KIF26B: variants seen among roughly 807,000 people sequenced by gnomAD.
KIF26B encodes kinesin family member 26B, also known as kinesin-like protein KIF26B.
A neutral mutation model predicts 151.2 loss-of-function variants in KIF26B; 63 were observed. The ratio of observed to expected loss-of-function variants is 0.42; its 90% CI spans 0.34 to 0.51. KIF26B has a LOEUF of 0.51. Ranked by LOEUF, KIF26B falls within the 20% of genes least tolerant of loss-of-function variation. The pLI is 0.07. For missense variants in KIF26B, 2,813 were observed against 2,913.6 expected (o/e 0.97, Z 0.79); for synonymous variants, 1,357 against 1,262.1 (o/e 1.08, Z -1.59).
At chr1:245,195,580 C>T (rs534624110) in intron 2 of KIF26B, among the ~76,000 whole-genome samples, 46 of 152,272 alleles carry the variant, frequency 3.0e-4, no homozygotes, top group African/African-American at 9.6e-4. Flanking sequence ...ATCTCCTCAG[C>T]GGAGGTCACT....
Position 245,367,004 on chromosome 1 carries a change from G to A in KIF26B, c.636G>A (p.Glu212=). Reference sequence around the variant, plus strand: ...CGTTGGAGCAGGCAGCCGGCAGTGAGCACTACGACGCCTCGCCCTGCTCCC... The same window carrying A: ...CGTTGGAGCAGGCAGCCGGCAGTGAACACTACGACGCCTCGCCCTGCTCCC... ...VLTLEQAAGS[E]HYDASPCSPP... The change falls in exon 3 of 15, where the codon GAG becomes GAA. Residue 212 remains glutamate, a synonymous_variant. Transcript: ENST00000407071. The surrounding 1 kb of genome is among the most constrained non-coding windows in gnomAD (Gnocchi z 4.2). The A allele has an allele frequency of 6.2e-7, 1 of 1,613,504 alleles. No individual in the cohort carries two copies. The highest frequency in any genetic ancestry group is 8.5e-7 in the Non-Finnish European group (1 of 1,179,748).
chr1:245,686,535 T>C lies in KIF26B; in HGVS notation c.3552T>C (p.Gly1184=). ...TGCAGCAGCCACTGGAGCTGAACGG[T>C]GAGGACGAGCTGGTGTTCACGCTGG... ...VTVQQPLELN[G]EDELVFTLVE... Residue 1184 remains glycine (G), a synonymous_variant, in exon 12 of 15, where the codon GGT becomes GGC. Coordinates refer to ENST00000407071, the MANE Select transcript of KIF26B (RefSeq NM_018012.4). The surrounding 1 kb of genome is among the most constrained non-coding windows in gnomAD (Gnocchi z 5.6). 1 of 1,612,834 alleles carries C rather than the reference T, an allele frequency of 6.2e-7. No individual in the cohort carries two copies. The highest frequency in any genetic ancestry group is 8.5e-7 in the Non-Finnish European group (1 of 1,179,694).
At chr1:245,382,276 C>T (rs144598129) in intron 3 of KIF26B, among the ~76,000 whole-genome samples, 66 of 152,280 alleles carry the variant, frequency 4.3e-4, no homozygotes, top group African/African-American at 1.5e-3. Context: ...GGTGGCATCT[C>T]ATTGTGGTGT....
At chr1:245,411,416 G>T (rs1190015218) in intron 3 of KIF26B, among the ~76,000 whole-genome samples, 1 of 152,240 alleles carries the variant, frequency 6.6e-6, no homozygotes, top group African/African-American at 2.4e-5. Context: ...AAACACAGAC[G>T]CTGCAGAAGA....
chr1:245,415,982 A>G (rs1674406261), intron 3 of KIF26B, among the ~76,000 whole-genome samples: 1 of 151,974 alleles, frequency 6.6e-6, no homozygotes, highest in Admixed American at 6.6e-5. Flanking sequence ...ATTAAACAAA[A>G]TAGGCCAGGC....
intron 2 of KIF26B, among the ~76,000 whole-genome samples, chr1:245,219,069 G>A (rs1207296759): frequency 6.8e-6 from 1 of 147,278 alleles, no homozygotes; most frequent in African/African-American, 2.5e-5. Context: ...TTACTTCTCT[G>A]TGTCTGTCTG....
At chr1:245,522,460 A>G (rs1351446747) in intron 4 of KIF26B, among the ~76,000 whole-genome samples, 1 of 152,174 alleles carries the variant, frequency 6.6e-6, no homozygotes, top group South Asian at 2.1e-4. Flanking sequence ...GTCCCTGTTC[A>G]TCTGGCATGG....
intron 10 of KIF26B, among the ~76,000 whole-genome samples, chr1:245,678,934 G>C (rs75131250): frequency 0.041 from 6,180 of 152,086 alleles, 344 homozygotes; most frequent in African/African-American, 0.13. Context: ...TGTGCGTATG[G>C]CTGGCTGTGT....
At chr1:245,233,351 T>C (rs1036980625) in intron 2 of KIF26B, among the ~76,000 whole-genome samples, 1 of 152,236 alleles carries the variant, frequency 6.6e-6, no homozygotes, top group East Asian at 1.9e-4. Context: ...GTTTTAGGCA[T>C]GGCAAAACTT....
At chr1:245,651,473 A>T (rs935763286) in intron 10 of KIF26B, among the ~76,000 whole-genome samples, 5 of 152,180 alleles carry the variant, frequency 3.3e-5, no homozygotes, top group African/African-American at 9.7e-5. Context: ...TTCCTCCTAG[A>T]GCCCATGGAG....
chr1:245,458,504 G>C (rs960640145), intron 4 of KIF26B, among the ~76,000 whole-genome samples: 1 of 152,170 alleles, frequency 6.6e-6, no homozygotes, highest in Non-Finnish European at 1.5e-5. Flanking sequence ...GGCTCTCGCT[G>C]TCTCACTCTC....
intron 2 of KIF26B, among the ~76,000 whole-genome samples, chr1:245,310,181 A>G (rs1671640256): frequency 1.3e-5 from 2 of 150,668 alleles, no homozygotes; most frequent in Non-Finnish European, 3.0e-5. Context: ...CTATATGTAT[A>G]TATATATATC....
intron 5 of KIF26B, among the ~76,000 whole-genome samples, chr1:245,577,137 T>C (rs148715270): frequency 2.8e-4 from 43 of 152,302 alleles, no homozygotes; most frequent in African/African-American, 1.0e-3. Flanking sequence ...AACCTCTCAG[T>C]TTACAGGTGA....
chr1:245,249,778 A>C (rs1415136682), intron 2 of KIF26B, among the ~76,000 whole-genome samples: 1 of 152,126 alleles, frequency 6.6e-6, no homozygotes, highest in Non-Finnish European at 1.5e-5. Context: ...CCACTGCATC[A>C]AAATGCAATT....
chr1:245,513,676 C>T (rs989787331), intron 4 of KIF26B, among the ~76,000 whole-genome samples: 8 of 152,164 alleles, frequency 5.3e-5, no homozygotes, highest in Non-Finnish European at 8.8e-5. Flanking sequence ...TTTCTAACAA[C>T]GGGTGCTGTT....
At chr1:245,436,696 C>T in intron 4 of KIF26B, among the ~76,000 whole-genome samples, 1 of 152,162 alleles carries the variant, frequency 6.6e-6, no homozygotes, top group East Asian at 1.9e-4. Flanking sequence ...TTCACAACAA[C>T]ATCTAGACTA....
At chr1:245,408,964 G>A (rs1032541282) in intron 3 of KIF26B, among the ~76,000 whole-genome samples, 1 of 152,180 alleles carries the variant, frequency 6.6e-6, no homozygotes, top group African/African-American at 2.4e-5. Context: ...CTCAAAAGTG[G>A]CAATGGTGAT....
chr1:245,569,764 C>G (rs1327860739), intron 5 of KIF26B, among the ~76,000 whole-genome samples: 1 of 151,720 alleles, frequency 6.6e-6, no homozygotes, highest in Non-Finnish European at 1.5e-5. Flanking sequence ...TGCACTACAG[C>G]CTGGGTGACA....
At chr1:245,433,301 TAA>T (rs61267121) in intron 4 of KIF26B, among the ~76,000 whole-genome samples, 624 of 144,854 alleles carry the variant, frequency 4.3e-3, no homozygotes, top group South Asian at 4.5e-3. Context: ...CCATCTCTAC[TAA>T]AAAAAAAAAA....
Sources: allele counts gnomAD v4.1 joint callset (sites outside exome capture counted in the v4.1 genomes callset), GRCh38; gene constraint gnomAD v4.1.1; non-coding constraint Gnocchi (gnomAD v3.1); transcripts MANE v1.5; gene names NCBI Gene and HGNC (gene_info 2026-07-23, HGNC 2026-07-21).